Variants in NPR2 observed in about 807,000 individuals in gnomAD.
NPR2 encodes the protein atrial natriuretic peptide receptor 2.
NPR2 carries 49 observed loss-of-function variants against 120.7 expected under a neutral mutation model. That is an observed-to-expected ratio of 0.41 (90% CI 0.32 to 0.52). NPR2 has a LOEUF of 0.52. Among genes scored for constraint, NPR2 ranks in the 20% least tolerant of loss-of-function variants. The pLI, the probability that NPR2 is intolerant of heterozygous loss-of-function variation, is 0.36. For missense variants in NPR2, 931 were observed against 1,362.9 expected (o/e 0.68, Z 4.99); for synonymous variants, 484 against 519.8 (o/e 0.93, Z 0.94).
Position 35,792,907 on chromosome 9 carries a change from G to T in NPR2, c.499G>T (p.Ala167Ser). The change falls in exon 1 of 22, where the codon GCC (alanine) becomes TCC (serine). Residue 167 changes from alanine (A) to serine (S), a missense_variant. This residue lies in a region of NPR2 where 681 missense variants were observed against 974.3 expected (regional missense o/e 0.70). Transcript: ENST00000342694. ...GCACTTCAATTGGACTGCCCGTGCT[G>T]CCTTGCTGTACCTGGATGCTCGCAC... ...HGHFNWTARAALLYLDARTDD... is the reference protein window; with the variant it reads ...HGHFNWTARASLLYLDARTDD... 6.2e-7 allele frequency: 1 copy of T among 1,614,120 alleles called. No homozygotes were observed. The highest frequency in any genetic ancestry group is 8.5e-7 in the Non-Finnish European group (1 of 1,180,042).
At chr9:35,799,552 C>A in intron 2 of NPR2, 66 bp from the exon 3 acceptor site, 1 of 1,156,008 alleles carries the variant, frequency 8.7e-7, no homozygotes, top group Non-Finnish European at 1.3e-6. Flanking sequence ...CCCTGTCCTG[C>A]ATCTTCTCTT....
chr9:35,806,505 A>G lies in NPR2; in HGVS notation c.2486A>G (p.Lys829Arg). The part of the protein sequence containing the change: ...RTQAYLEEKR[K>R]AEALLYQILP... ...CAGGCCTATCTGGAGGAAAAACGCA[A>G]GGCTGAAGCTCTGCTCTACCAAATC... Residue 829 changes from lysine to arginine, a missense_variant, in exon 16 of 22, where the codon AAG (lysine) becomes AGG (arginine). Transcript: ENST00000342694. The surrounding 1 kb of genome is among the most constrained non-coding windows in gnomAD (Gnocchi z 4.6). The G allele has an allele frequency of 6.2e-7, 1 of 1,614,182 alleles. No homozygotes were observed. Among genetic ancestry groups the G allele is most frequent in the Non-Finnish European group, 8.5e-7 (1 of 1,180,018 alleles).
rs776626025 is a variant in NPR2 at position 35,809,488 on chromosome 9, C to A, written c.*43C>A. 5.8e-5 allele frequency: 94 copies of A among 1,614,000 alleles called. No homozygotes were observed. The highest frequency in any genetic ancestry group is 7.7e-5 in the Non-Finnish European group (91 of 1,180,024). On this transcript the variant is annotated 3_prime_UTR_variant, in exon 22 of 22. Coordinates refer to ENST00000342694, the MANE Select transcript of NPR2 (RefSeq NM_003995.4). This position sits in a 1 kb window ranked among gnomAD's most constrained non-coding sequence, Gnocchi z 4.1. ...GTCAGATAGTCTTCTGCTGCTGGTA[C>A]CTGGGTGGGCAATGGCCACCATGTC... is the stretch of plus-strand genomic sequence containing the variant.
Position 35,805,842 on chromosome 9 carries a change from C to T in NPR2, c.2060C>T (p.Thr687Ile). The change falls in exon 14 of 22, where the codon ACT (threonine) becomes ATT (isoleucine). Residue 687 changes from threonine (T) to isoleucine (I), a missense_variant. This residue lies in a region of NPR2 where 681 missense variants were observed against 974.3 expected (regional missense o/e 0.70). Coordinates refer to ENST00000342694, the MANE Select transcript of NPR2 (RefSeq NM_003995.4). This position sits in a 1 kb window ranked among gnomAD's most constrained non-coding sequence, Gnocchi z 4.9. ...SHALYAKKLW[T>I]APELLSGNPL... The stretch of plus-strand genomic sequence containing the variant: ...TTCCTCTTTTCAGAGAAGCTGTGGA[C>T]TGCCCCAGAACTGCTCAGTGGGAAC... 6.2e-7 allele frequency: 1 copy of T among 1,614,158 alleles called. No individual in the cohort carries two copies. Among genetic ancestry groups the T allele is most frequent in the East Asian group, 2.2e-5 (1 of 44,892 alleles).
chr9:35,807,914 T>C (rs958733757), intron 18 of NPR2: 1 of 489,486 alleles, frequency 2.0e-6, no homozygotes, highest in Non-Finnish European at 3.6e-6. Context: ...GTTTTATCTG[T>C]AAGATGGGAA....
Position 35,791,619 on chromosome 9 carries a change from G to A in NPR2, c.-790G>A, listed in dbSNP as rs531644254. Reference sequence around the variant, plus strand: ...AGTCGCACTCGGCCGCCGGCGCAGCGAGCGGAGACGGGCCGGGCCGAGGCG... The same window carrying A: ...AGTCGCACTCGGCCGCCGGCGCAGCAAGCGGAGACGGGCCGGGCCGAGGCG... On this transcript the variant is annotated 5_prime_UTR_variant, in exon 1 of 22. Coordinates refer to ENST00000342694, the MANE Select transcript of NPR2 (RefSeq NM_003995.4). 1.3e-4 allele frequency among the ~76,000 whole-genome samples: 19 copies of A among 146,268 alleles called. No homozygotes were observed. The highest frequency in any genetic ancestry group is 4.2e-4 in the African/African-American group (17 of 40,096).
intron 2 of NPR2, among the ~76,000 whole-genome samples, chr9:35,795,572 T>G (rs1273061991): frequency 6.6e-6 from 1 of 152,148 alleles, no homozygotes; most frequent in African/African-American, 2.4e-5. Context: ...GACTGACGAG[T>G]GTGTGTCTGA....
intron 12 of NPR2, among the ~76,000 whole-genome samples, chr9:35,804,464 C>T (rs67510740): frequency 0.16 from 24,667 of 152,032 alleles, 2,216 homozygotes; most frequent in East Asian, 0.31. Flanking sequence ...AACTGCTGGG[C>T]TCAAGCAATC....
At chr9:35,793,751 G>T (rs1827859021) in intron 1 of NPR2, 147 bp from the exon 2 acceptor site, 1 of 774,106 alleles carries the variant, frequency 1.3e-6, no homozygotes, top group East Asian at 2.6e-5. Context: ...CAAGAGGGGT[G>T]GGCTGGGGAG....
chr9:35,808,880 G>A lies in NPR2; in HGVS notation c.2986+27G>A, dbSNP rs1450398920. ...TAAGACATTAGCCCTCAACCCCACT[G>A]TTGGCCTCAATTTATCTTGCCCTTT... On this transcript the variant is annotated intron_variant, in intron 20 of 21. Coordinates refer to ENST00000342694, the MANE Select transcript of NPR2 (RefSeq NM_003995.4). The surrounding 1 kb of genome is among the most constrained non-coding windows in gnomAD (Gnocchi z 4.0). The A allele has an allele frequency of 2.2e-6, 3 of 1,336,942 alleles. No individual in the cohort carries two copies. Among genetic ancestry groups the A allele is most frequent in the South Asian group, 1.2e-5 (1 of 85,616 alleles). 82.8% of individuals were successfully genotyped at this position (1,336,942 alleles called of 1,614,324 possible). A position where few individuals can be genotyped will look rare whatever the true frequency, so the allele number is the denominator to read the frequency against.
rs760376888 is a variant in NPR2, at chr9:35,800,719, A to G, written c.1229A>G (p.His410Arg). The stretch of plus-strand genomic sequence containing the variant: ...TTTGCTTCCTTACAGCCTGCAGCCC[A>G]CTACTCGGGAGCTGAGAAGCAGATT... ...LDSGDFQPAAHYSGAEKQIWW... is the reference protein window; with the variant it reads ...LDSGDFQPAARYSGAEKQIWW... The change falls in exon 6 of 22, where the codon CAC becomes CGC. Residue 410 changes from histidine (H) to arginine (R), a missense_variant. Physicochemically the swap from His to Arg is conservative, Grantham distance 29 (BLOSUM62 0). This residue lies in a region of NPR2 where 681 missense variants were observed against 974.3 expected (regional missense o/e 0.70). Coordinates refer to ENST00000342694, the MANE Select transcript of NPR2 (RefSeq NM_003995.4). This position sits in a 1 kb window ranked among gnomAD's most constrained non-coding sequence, Gnocchi z 4.7. 6.2e-7 allele frequency: 1 copy of G among 1,614,162 alleles called. No individual in the cohort carries two copies. The highest frequency in any genetic ancestry group is 2.2e-5 in the East Asian group (1 of 44,882).
chr9:35,805,979 C>T lies in NPR2; in HGVS notation c.2197C>T (p.Pro733Ser). Residue 733 changes from proline (P) to serine (S), a missense_variant, in exon 14 of 22, where the codon CCC (proline) becomes TCC (serine). Pro to Ser is a moderately conservative substitution (Grantham distance 74, BLOSUM62 -1). Transcript: ENST00000342694. This position sits in a 1 kb window ranked among gnomAD's most constrained non-coding sequence, Gnocchi z 4.9. ...CTACTTGGAGGGCCTGGACCTCAGC[C>T]CCAAAGGTAAGAGTCAATCCACTAC... is the stretch of plus-strand genomic sequence containing the variant. ...PFYLEGLDLS[P>S]KEIVQKVRNG... The T allele has an allele frequency of 6.2e-7, 1 of 1,614,156 alleles. No individual in the cohort carries two copies. Among genetic ancestry groups the T allele is most frequent in the Non-Finnish European group, 8.5e-7 (1 of 1,180,032 alleles).
In NPR2 at chr9:35,793,003, C is replaced by T. The variant is rs773032517; in HGVS notation, c.595C>T (p.Gln199Ter). 1 of 1,613,052 alleles carries T rather than the reference C, an allele frequency of 6.2e-7. No homozygotes were observed. The change falls in exon 1 of 22, where the codon CAG (glutamine) becomes TAG (stop). Residue 199 changes from glutamine (Q) to a stop codon, truncating the protein, a stop_gained. Coordinates refer to ENST00000342694, the MANE Select transcript of NPR2 (RefSeq NM_003995.4). LOFTEE classifies it high-confidence loss of function. ...CCTGCAGGGCAGCAACCTCAGTGTG[C>T]AGCACCAGGTGTATGCCCGAGAGCC... is the stretch of plus-strand genomic sequence containing the variant. ...EALQGSNLSVQHQVYAREPGG... is the reference protein window; with the variant it reads ...EALQGSNLSV
Position 35,808,343 on chromosome 9 carries a change from A to G in NPR2, c.2713-166A>G, listed in dbSNP as rs1303105639. The G allele has an allele frequency of 2.7e-6, 4 of 1,482,212 alleles. No homozygotes were observed. The Admixed American group carries it at 6.8e-5, about 25-fold the overall frequency. 91.8% of individuals were successfully genotyped at this position (1,482,212 alleles called of 1,614,324 possible). A position where few individuals can be genotyped will look rare whatever the true frequency, so the allele number is the denominator to read the frequency against. Reference sequence around the variant, plus strand: ...AAGAAGACTTAAAGATTCCCTAGACATCTCCTCTCCCCTAGACTCAGGACC... The same window carrying G: ...AAGAAGACTTAAAGATTCCCTAGACGTCTCCTCTCCCCTAGACTCAGGACC... On this transcript the variant is annotated intron_variant, in intron 18 of 21. Transcript: ENST00000342694. The surrounding 1 kb of genome is among the most constrained non-coding windows in gnomAD (Gnocchi z 4.0).
chr9:35,796,477 G>A (rs945737023), intron 2 of NPR2, among the ~76,000 whole-genome samples: 5 of 152,164 alleles, frequency 3.3e-5, no homozygotes, highest in African/African-American at 7.2e-5. Flanking sequence ...GAGCCACTGC[G>A]CCTTGCTGGC....
chr9:35,793,961 A>C lies in NPR2; in HGVS notation c.731A>C (p.Asn244Thr), dbSNP rs1827867015. 1.9e-6 allele frequency: 3 copies of C among 1,614,028 alleles called. No individual in the cohort carries two copies. Among genetic ancestry groups the C allele is most frequent in the African/African-American group, 1.3e-5 (1 of 74,894 alleles). Residue 244 changes from asparagine to threonine, a missense_variant, in exon 2 of 22, where the codon AAT (asparagine) becomes ACT (threonine). Transcript: ENST00000342694. ...HEILLQAQRE[N>T]LTNGDYVFFY... ...ATCCTGCTTCAGGCCCAGAGGGAGA[A>C]TCTGACCAATGGGGATTATGTCTTC...
rs762337237 is a variant in NPR2 at position 35,801,709 on chromosome 9, T to C, written c.1503T>C (p.Phe501=). ...GTATTCGCTGGGAAGAACTGCAGTTTGGCAACTCAGAGCGTTATCACAAAG... is the reference window on the plus strand; with the variant it reads ...GTATTCGCTGGGAAGAACTGCAGTTCGGCAACTCAGAGCGTTATCACAAAG... ...LWRIRWEELQ[F]GNSERYHKGA... The change falls in exon 8 of 22, where the codon TTT becomes TTC. Residue 501 remains phenylalanine (F), a synonymous_variant. Coordinates refer to ENST00000342694, the MANE Select transcript of NPR2 (RefSeq NM_003995.4). 16 of 1,614,174 alleles carry C rather than the reference T, an allele frequency of 9.9e-6. 1 individual carries two copies. The South Asian group carries it at 1.8e-4, about 18-fold the overall frequency.
At position 35,808,819 on chromosome 9, in the gene NPR2, G is replaced by A; in HGVS notation, c.2952G>A (p.Val984=). Reference sequence around the variant, plus strand: ...GTTATTGTCTTTTTGGAGACACAGTGAACACTGCTTCTCGAATGGAGTCTA... The same window carrying A: ...GTTATTGTCTTTTTGGAGACACAGTAAACACTGCTTCTCGAATGGAGTCTA... ...MPRYCLFGDT[V]NTASRMESNG... is the part of the protein sequence containing the mutation. The change falls in exon 20 of 22, where the codon GTG becomes GTA. Residue 984 remains valine, a synonymous_variant. Coordinates refer to ENST00000342694, the MANE Select transcript of NPR2 (RefSeq NM_003995.4). This position sits in a 1 kb window ranked among gnomAD's most constrained non-coding sequence, Gnocchi z 4.0. 6.2e-7 allele frequency: 1 copy of A among 1,611,802 alleles called. No homozygotes were observed. Among genetic ancestry groups the A allele is most frequent in the South Asian group, 1.1e-5 (1 of 91,020 alleles).
rs569713674 is a variant in NPR2, at chr9:35,801,206, C to T, written c.1436+52C>T. On this transcript the variant is annotated intron_variant, in intron 7 of 21. Transcript: ENST00000342694. ...ACTCCCTGCCCCCATTGCCACACAACCTCTGGCTGAAGCCAGGTGGTCCCT... is the reference window on the plus strand; with the variant it reads ...ACTCCCTGCCCCCATTGCCACACAATCTCTGGCTGAAGCCAGGTGGTCCCT... The T allele has an allele frequency of 2.2e-6, 3 of 1,371,460 alleles. No individual in the cohort carries two copies. The African/African-American group carries it at 4.3e-5, about 20-fold the overall frequency. 85.0% of individuals were successfully genotyped at this position (1,371,460 alleles called of 1,614,324 possible). A position where few individuals can be genotyped will look rare whatever the true frequency, so the allele number is the denominator to read the frequency against.
Sources: allele counts gnomAD v4.1 joint callset (sites outside exome capture counted in the v4.1 genomes callset), GRCh38; gene constraint gnomAD v4.1.1; regional missense constraint gnomAD v4.1.1; non-coding constraint Gnocchi (gnomAD v3.1); transcripts MANE v1.5; gene names NCBI Gene and HGNC (gene_info 2026-07-23, HGNC 2026-07-21).